The following DRC11 variants were observed in gnomAD, a reference collection of about 807,000 sequenced individuals.
The protein encoded by DRC11 is dynein regulatory complex subunit 11, also known as IQ and AAA domain-containing protein 1.
At chr2:236,380,718 T>TAG in the DRC11 span, 11 of 1,019,046 alleles carry the variant, frequency 1.1e-5, no homozygotes, top group Non-Finnish European at 1.6e-5. This position sits in a 1 kb window ranked among gnomAD's most constrained non-coding sequence, Gnocchi z 4.9. Context: ...AGCACGTTGT[T>TAG]TTCTGGGGGT....
the DRC11 span, among the ~76,000 whole-genome samples, chr2:236,322,545 C>T: frequency 6.6e-6 from 1 of 152,132 alleles, no homozygotes; most frequent in Non-Finnish European, 1.5e-5. Context: ...CGTGCCTGGC[C>T]TCTTTCCTCT....
chr2:236,431,153 C>T, the DRC11 span, among the ~76,000 whole-genome samples: 299 of 152,304 alleles, frequency 2.0e-3, 3 homozygotes, highest in Non-Finnish European at 3.2e-3. The surrounding 1 kb of genome is among the most constrained non-coding windows in gnomAD (Gnocchi z 4.2). Flanking sequence ...ATTTCTATCA[C>T]CCCAATAAGA....
At chr2:236,363,377 T>C in the DRC11 span, among the ~76,000 whole-genome samples, 2 of 151,986 alleles carry the variant, frequency 1.3e-5, no homozygotes, top group African/African-American at 4.8e-5. This position sits in a 1 kb window ranked among gnomAD's most constrained non-coding sequence, Gnocchi z 5.6. Flanking sequence ...GTGTGAGGAG[T>C]GCACAGAAGC....
chr2:236,440,972 ATTAATT>A, the DRC11 span: 6 of 983,010 alleles, frequency 6.1e-6, no homozygotes, highest in Non-Finnish European at 7.8e-6. Context: ...CTATAAACTC[ATTAATT>A]TTAAAGTTTA....
chr2:236,494,357 C>G, the DRC11 span, among the ~76,000 whole-genome samples: 1 of 151,686 alleles, frequency 6.6e-6, no homozygotes, highest in Non-Finnish European at 1.5e-5. This position sits in a 1 kb window ranked among gnomAD's most constrained non-coding sequence, Gnocchi z 4.2. Context: ...CCAAAATTAC[C>G]CCATTGCAAA....
At chr2:236,371,114 C>G in the DRC11 span, among the ~76,000 whole-genome samples, 2 of 152,064 alleles carry the variant, frequency 1.3e-5, no homozygotes, top group African/African-American at 4.8e-5. This position sits in a 1 kb window ranked among gnomAD's most constrained non-coding sequence, Gnocchi z 5.1. Flanking sequence ...CCACATTCTG[C>G]GTCCGGGGAT....
At chr2:236,327,951 A>G in the DRC11 span, among the ~76,000 whole-genome samples, 30,451 of 152,162 alleles carry the variant, frequency 0.2, 3,302 homozygotes, top group African/African-American at 0.24. Flanking sequence ...TGAGTTTTTA[A>G]TTTTAATGAC....
the DRC11 span, among the ~76,000 whole-genome samples, chr2:236,414,716 G>GTA: frequency 9.9e-5 from 15 of 152,170 alleles, no homozygotes; most frequent in Non-Finnish European, 2.2e-4. Context: ...CAGTATCTCA[G>GTA]TATGGAGGGG....
At chr2:236,359,639 A>G in the DRC11 span, among the ~76,000 whole-genome samples, 10 of 152,182 alleles carry the variant, frequency 6.6e-5, no homozygotes, top group African/African-American at 2.4e-5. The surrounding 1 kb of genome is among the most constrained non-coding windows in gnomAD (Gnocchi z 4.3). Flanking sequence ...CGTGTTCTGC[A>G]GCTCACACGG....
chr2:236,363,669 G>T, the DRC11 span: 1 of 842,248 alleles, frequency 1.2e-6, no homozygotes, highest in South Asian at 1.6e-5. This position sits in a 1 kb window ranked among gnomAD's most constrained non-coding sequence, Gnocchi z 5.6. Context: ...AGTAGACAAT[G>T]AGGAAATTTA....
At chr2:236,489,750 C>G in the DRC11 span, among the ~76,000 whole-genome samples, 1 of 152,050 alleles carries the variant, frequency 6.6e-6, no homozygotes, top group African/African-American at 2.4e-5. Context: ...CGGTGAGACC[C>G]CGTCTCTAAA....
At chr2:236,497,348 G>A in the DRC11 span, 1 of 1,613,846 alleles carries the variant, frequency 6.2e-7, no homozygotes, top group Non-Finnish European at 8.5e-7. The surrounding 1 kb of genome is among the most constrained non-coding windows in gnomAD (Gnocchi z 5.1). Context: ...CTAAAGATCT[G>A]CACATACTTT....
chr2:236,400,307 C>T, the DRC11 span, among the ~76,000 whole-genome samples: 1 of 151,824 alleles, frequency 6.6e-6, no homozygotes, highest in African/African-American at 2.4e-5. The surrounding 1 kb of genome is among the most constrained non-coding windows in gnomAD (Gnocchi z 7.9). Context: ...CAGAGAGAGC[C>T]TGGCCACCAT....
At chr2:236,471,117 A>G in the DRC11 span, among the ~76,000 whole-genome samples, 1 of 152,202 alleles carries the variant, frequency 6.6e-6, no homozygotes, top group Non-Finnish European at 1.5e-5. This position sits in a 1 kb window ranked among gnomAD's most constrained non-coding sequence, Gnocchi z 4.6. Flanking sequence ...TAGCATTACT[A>G]TCTTCATCTT....
At chr2:236,311,600 T>C in the DRC11 span, among the ~76,000 whole-genome samples, 1 of 152,068 alleles carries the variant, frequency 6.6e-6, no homozygotes, top group African/African-American at 2.4e-5. The surrounding 1 kb of genome is among the most constrained non-coding windows in gnomAD (Gnocchi z 6.9). Context: ...AGTGAAGCAG[T>C]TATCGGGATA....
chr2:236,482,858 G>A, the DRC11 span, among the ~76,000 whole-genome samples: 3 of 152,240 alleles, frequency 2.0e-5, no homozygotes, highest in Non-Finnish European at 2.9e-5. This position sits in a 1 kb window ranked among gnomAD's most constrained non-coding sequence, Gnocchi z 4.5. Context: ...TTCAATGTGC[G>A]AGTGAACTTT....
the DRC11 span, among the ~76,000 whole-genome samples, chr2:236,417,456 G>A: frequency 1.3e-5 from 2 of 152,102 alleles, no homozygotes; most frequent in Non-Finnish European, 2.9e-5. Context: ...GGCTGTCTGA[G>A]CTGGAGCTGG....
At chr2:236,400,633 T>C in the DRC11 span, among the ~76,000 whole-genome samples, 1 of 152,182 alleles carries the variant, frequency 6.6e-6, no homozygotes, top group Non-Finnish European at 1.5e-5. The surrounding 1 kb of genome is among the most constrained non-coding windows in gnomAD (Gnocchi z 7.9). Context: ...GCAGGCTCAG[T>C]ACTCTCTATG....
chr2:236,355,289 G>A, the DRC11 span, among the ~76,000 whole-genome samples: 2 of 152,352 alleles, frequency 1.3e-5, no homozygotes, highest in African/African-American at 2.4e-5. Context: ...ACTGTGGGGC[G>A]GGGAGAGTGG....
Sources: gnomAD v4.1 joint callset for allele counts (sites outside exome capture counted in the v4.1 genomes callset) on GRCh38, gnomAD v4.1.1 for gene constraint, Gnocchi (gnomAD v3.1) non-coding constraint, MANE v1.5 for transcripts, NCBI Gene and HGNC (gene_info 2026-07-23, HGNC 2026-07-21) for gene names.